The following PLEKHA8 variants were observed in gnomAD, a reference collection of about 807,000 sequenced individuals.
PLEKHA8 encodes pleckstrin homology domain-containing family A member 8.
Under a neutral mutation model 68.2 loss-of-function variants are expected in PLEKHA8, and 36 were observed. That is an observed-to-expected ratio of 0.53 (90% confidence interval 0.40 to 0.70). PLEKHA8 has a LOEUF of 0.70. PLEKHA8 is among the 30% of genes least tolerant of loss of function. The pLI, the probability that PLEKHA8 is intolerant of heterozygous loss-of-function variation, is 0.00. For missense variants in PLEKHA8, 505 were observed against 615.4 expected, an observed-to-expected ratio of 0.82 and a Z score of 1.90; for synonymous variants, 211 against 216.1, an observed-to-expected ratio of 0.98 and a Z score of 0.20.
chr7:30,034,554 C>T (rs1340532260), intron 1 of PLEKHA8, among the ~76,000 whole-genome samples: 2 of 151,976 alleles, frequency 1.3e-5, no homozygotes, highest in Admixed American at 6.5e-5. Context: ...ATAAAGTAAG[C>T]TAAAGAAAGG....
intron 6 of PLEKHA8, 41 bp downstream of exon 6, chr7:30,050,515 A>T: frequency 1.3e-6 from 2 of 1,513,454 alleles, no homozygotes; most frequent in Non-Finnish European, 1.8e-6. Context: ...TTAAAAAAAA[A>T]TAAGGATATT....
intron 10 of PLEKHA8, 102 bp downstream of exon 10, chr7:30,061,044 C>A: frequency 1.8e-6 from 2 of 1,101,986 alleles, no homozygotes; most frequent in Non-Finnish European, 2.7e-6. Context: ...AAAAATGTGT[C>A]ACTGTTCTTT....
chr7:30,115,824 GCGTGCACATA>G (rs1796465428), intron 13 of PLEKHA8: 1 of 106,836 alleles, frequency 9.4e-6, no homozygotes, highest in Admixed American at 8.6e-5. Context: ...ATGTATACAT[GCGTGCACATA>G]CATGTATACA....
At chr7:30,048,902 T>C (rs914994746) in intron 4 of PLEKHA8, among the ~76,000 whole-genome samples, 2 of 152,136 alleles carry the variant, frequency 1.3e-5, no homozygotes, top group Non-Finnish European at 2.9e-5. Context: ...TTGGGAAGTT[T>C]ATAGTCTAGA....
chr7:30,093,094 C>T (rs896234584), downstream of PLEKHA8, among the ~76,000 whole-genome samples: 15 of 152,110 alleles, frequency 9.9e-5, no homozygotes, highest in African/African-American at 2.2e-4. Context: ...CATATGGGCA[C>T]GTTATTTTAC....
chr7:30,074,264 G>GTGTGTGTGTGTA, intron 13 of PLEKHA8, 132 bp downstream of exon 13: 13 of 683,498 alleles, frequency 1.9e-5, no homozygotes, highest in Non-Finnish European at 2.7e-5. Flanking sequence ...GTGTGTGTGT[G>GTGTGTGTGTGTA]TGTGTGTGTA....
At chr7:30,104,268 A>G (rs1188166785) in intron 13 of PLEKHA8, among the ~76,000 whole-genome samples, 1 of 152,240 alleles carries the variant, frequency 6.6e-6, no homozygotes, top group East Asian at 1.9e-4. Context: ...CACTTTGGAA[A>G]TTGATCTGGT....
intron 9 of PLEKHA8, among the ~76,000 whole-genome samples, chr7:30,056,983 T>G (rs952060159): frequency 6.7e-6 from 1 of 150,062 alleles, no homozygotes; most frequent in Non-Finnish European, 1.5e-5. Context: ...AATTCACTTT[T>G]ACTTGTATAA....
chr7:30,073,947 C>A, intron 12 of PLEKHA8, 124 bp from the exon 13 acceptor site: 1 of 696,736 alleles, frequency 1.4e-6, no homozygotes, highest in Non-Finnish European at 2.4e-6. Context: ...TATCACACCA[C>A]TGTACTCTAG....
At position 30,080,304 on chromosome 7, in the gene PLEKHA8, T is replaced by C. The variant is rs973327306; in HGVS notation, c.*1517T>C. 1.0e-4 allele frequency: 101 copies of C among 985,224 alleles called. No homozygotes were observed. The African/African-American group carries it at 1.6e-3, about 16-fold the overall frequency. The allele number at this position is 985,224 out of a possible 1,614,324, so 61.0% of individuals were successfully genotyped here. On this transcript the variant is annotated 3_prime_UTR_variant, in exon 14 of 14. Transcript: ENST00000449726. ...TCTCAGTAGACCATGCTGCCTCGAG[T>C]GTGCATCGGAGAGAAGCCATGGGTA... is the stretch of plus-strand genomic sequence containing the variant.
intron 13 of PLEKHA8, among the ~76,000 whole-genome samples, chr7:30,112,198 G>A (rs1212079710): frequency 6.6e-6 from 1 of 151,954 alleles, no homozygotes. Flanking sequence ...AACAACTAAC[G>A]GCATAATTGA....
intron 13 of PLEKHA8, among the ~76,000 whole-genome samples, chr7:30,109,757 C>T (rs1215866247): frequency 6.6e-6 from 1 of 150,628 alleles, no homozygotes; most frequent in Non-Finnish European, 1.5e-5. Context: ...CTGCAACCTT[C>T]GCCTCCCGGG....
At position 30,080,097 on chromosome 7, in the gene PLEKHA8, G is replaced by A. The variant is rs1477809968; in HGVS notation, c.*1310G>A. 1 of 985,198 alleles carries A rather than the reference G, an allele frequency of 1.0e-6. No homozygotes were observed. The highest frequency in any genetic ancestry group is 1.2e-6 in the Non-Finnish European group (1 of 829,924). 61.0% of individuals were successfully genotyped at this position (985,198 alleles called of 1,614,324 possible). ...CAATCTCGGTTTAATCACCAAAAGT[G>A]CAGAGCAGGCAAAATGCAGCTGTTT... On this transcript the variant is annotated 3_prime_UTR_variant, in exon 14 of 14. Transcript: ENST00000449726.
downstream of PLEKHA8, among the ~76,000 whole-genome samples, chr7:30,095,129 T>G (rs1795560243): frequency 6.6e-6 from 1 of 152,212 alleles, no homozygotes; most frequent in African/African-American, 2.4e-5. Context: ...TGAACTAGTT[T>G]ACAGTCCCAC....
intron 13 of PLEKHA8, among the ~76,000 whole-genome samples, chr7:30,116,164 ATG>A (rs543667026): frequency 6.6e-6 from 1 of 150,956 alleles, no homozygotes; most frequent in Non-Finnish European, 1.5e-5. Flanking sequence ...ACACGTATAC[ATG>A]TGTATACATA....
intron 12 of PLEKHA8, among the ~76,000 whole-genome samples, chr7:30,071,094 G>C (rs1794207018): frequency 6.6e-6 from 1 of 152,172 alleles, no homozygotes; most frequent in Non-Finnish European, 1.5e-5. Context: ...ATCTCTGGGA[G>C]AAAGGATTAT....
rs985297817 is a variant in PLEKHA8, at chr7:30,045,306, C to T, written c.157+105C>T. 3.6e-5 allele frequency: 29 copies of T among 805,998 alleles called. 1 individual carries two copies. The highest frequency in any genetic ancestry group is 3.3e-4 in the South Asian group (19 of 56,838). 49.9% of individuals were successfully genotyped at this position (805,998 alleles called of 1,614,324 possible). ...ACCTTTCTCTGCTGCTCCCATAATA[C>T]AGACCAAGGGACATAGTGTTATGTG... On this transcript the variant is annotated intron_variant, in intron 2 of 13. Transcript: ENST00000449726.
chr7:30,080,445 C>G lies in PLEKHA8; in HGVS notation c.*1658C>G. Reference sequence around the variant, plus strand: ...CTTGGTTGAATTGAGAGCATCATCTCTAGATGATGCTGTTCCTGCTGCAGA... The same window carrying G: ...CTTGGTTGAATTGAGAGCATCATCTGTAGATGATGCTGTTCCTGCTGCAGA... On this transcript the variant is annotated 3_prime_UTR_variant, in exon 14 of 14. Coordinates refer to ENST00000449726, the MANE Select transcript of PLEKHA8 (RefSeq NM_001197026.2). 1 of 985,146 alleles carries G rather than the reference C, an allele frequency of 1.0e-6. No individual in the cohort carries two copies. Among genetic ancestry groups the G allele is most frequent in the South Asian group, 4.7e-5 (1 of 21,280 alleles). 61.0% of individuals were successfully genotyped at this position (985,146 alleles called of 1,614,324 possible).
chr7:30,036,477 A>G (rs755716661), intron 1 of PLEKHA8, among the ~76,000 whole-genome samples: 7 of 152,094 alleles, frequency 4.6e-5, no homozygotes, highest in Non-Finnish European at 1.0e-4. Context: ...AGATAGAGAA[A>G]TAATGCCCAG....
Sources: gnomAD v4.1 joint callset for allele counts (sites outside exome capture counted in the v4.1 genomes callset) on GRCh38, gnomAD v4.1.1 for gene constraint, MANE v1.5 for transcripts, NCBI Gene and HGNC (gene_info 2026-07-23, HGNC 2026-07-21) for gene names.